The following POLR1B variants were observed in gnomAD, a reference collection of about 807,000 sequenced individuals.
The protein encoded by POLR1B is DNA-directed RNA polymerase I subunit RPA2.
In POLR1B, 30 loss-of-function variants were observed where a neutral mutation model predicts 105.8. The observed-to-expected ratio is 0.28, with a 90% CI of 0.21 to 0.38. POLR1B has a LOEUF of 0.38. Among genes scored for constraint, POLR1B ranks in the 10% least tolerant of loss-of-function variants. POLR1B has a pLI of 1.00. For missense variants in POLR1B, 976 were observed against 1,435.8 expected (o/e 0.68, Z 5.17); for synonymous variants, 485 against 505.1 (o/e 0.96, Z 0.53).
rs752204082 is a variant in POLR1B, at chr2:112,552,846, A to G, written c.1158+30A>G. ...ATGCATGCTATGTCCACCCTTGGCC[A>G]GTGGTACCACTTGTGGAATGGCGTG... On this transcript the variant is annotated intron_variant, in intron 7 of 14. Transcript: ENST00000263331. 2.0e-6 allele frequency: 3 copies of G among 1,493,468 alleles called. No homozygotes were observed. The South Asian group carries it at 4.1e-5, about 20-fold the overall frequency. 92.5% of individuals were successfully genotyped at this position (1,493,468 alleles called of 1,614,324 possible).
chr2:112,545,563 A>T (rs1248055244), intron 1 of POLR1B, among the ~76,000 whole-genome samples: 1 of 152,192 alleles, frequency 6.6e-6, no homozygotes, highest in Non-Finnish European at 1.5e-5. Flanking sequence ...GAATAATGAC[A>T]GTTCACTGTA....
At chr2:112,543,703 ATTG>A (rs1294017025) in intron 1 of POLR1B, among the ~76,000 whole-genome samples, 1 of 151,912 alleles carries the variant, frequency 6.6e-6, no homozygotes, top group Non-Finnish European at 1.5e-5. Context: ...ATTAAGATTT[ATTG>A]TTTAGAAAGA....
rs145959998 is a variant in POLR1B at position 112,542,520 on chromosome 2, A to G, written c.26A>G (p.Asn9Ser). 1.6e-4 allele frequency: 257 copies of G among 1,613,924 alleles called. 4 individuals are homozygous for G. The East Asian group carries it at 4.4e-3, about 28-fold the overall frequency. ...ATGGATCCTGGCAGCCGGTGGCGGA[A>G]CCTGCCCAGCGGGCCTAGCCTAAAG... MDPGSRWR[N>S]LPSGPSLKHL... The change falls in exon 1 of 15, where the codon AAC becomes AGC. Residue 9 changes from asparagine (N) to serine (S), a missense_variant. This residue lies in a region of POLR1B where 452 missense variants were observed against 616.5 expected (regional missense o/e 0.73). Transcript: ENST00000263331.
chr2:112,566,025 A>AT (rs920230403), intron 10 of POLR1B, among the ~76,000 whole-genome samples: 3 of 151,776 alleles, frequency 2.0e-5, no homozygotes, highest in African/African-American at 7.3e-5. Flanking sequence ...CGCCCGGCTA[A>AT]TTTTTTTTAT....
intron 7 of POLR1B, among the ~76,000 whole-genome samples, chr2:112,555,095 T>A (rs1272303418): frequency 6.6e-6 from 1 of 152,076 alleles, no homozygotes; most frequent in African/African-American, 2.4e-5. Flanking sequence ...GTAGGAGAGT[T>A]GCATGAGCCT....
At position 112,578,032 on chromosome 2, in the gene POLR1B, G is replaced by A. The variant is rs1684944143; in HGVS notation, c.*2303G>A. 6.6e-6 allele frequency among the ~76,000 whole-genome samples: 1 copy of A among 152,084 alleles called. No individual in the cohort carries two copies. Among genetic ancestry groups the A allele is most frequent in the African/African-American group, 2.4e-5 (1 of 41,430 alleles). On this transcript the variant is annotated 3_prime_UTR_variant, in exon 15 of 15. Coordinates refer to ENST00000263331, the MANE Select transcript of POLR1B (RefSeq NM_019014.6). ...GTTCTGGCTACTGAATGATCCCACA[G>A]CTGAGGTCTATTGTCATCGCTCCAC...
At chr2:112,567,881 G>T in intron 10 of POLR1B, 86 bp from the exon 11 acceptor site, 2 of 1,136,554 alleles carry the variant, frequency 1.8e-6, no homozygotes. Flanking sequence ...GAGTGTGGAT[G>T]AGTGGTATTC....
intron 9 of POLR1B, among the ~76,000 whole-genome samples, chr2:112,561,634 G>A (rs1305864387): frequency 6.6e-6 from 1 of 152,000 alleles, no homozygotes; most frequent in African/African-American, 2.4e-5. Flanking sequence ...CTTGTTTTTT[G>A]TGTGTTTCTG....
intron 10 of POLR1B, 122 bp from the exon 11 acceptor site, chr2:112,567,845 A>T: frequency 2.5e-6 from 2 of 791,600 alleles, no homozygotes; most frequent in Non-Finnish European, 4.1e-6. Context: ...GTGAGCACCC[A>T]AGGAAGTAGG....
rs575299955 is a variant in POLR1B, at chr2:112,563,626, A to C, written c.1613-740A>C. 1.0e-3 allele frequency among the ~76,000 whole-genome samples: 152 copies of C among 152,218 alleles called. 1 individual carries two copies. The highest frequency in any genetic ancestry group is 2.1e-3 in the South Asian group (10 of 4,814). ...TCAAGAAACCATTTCTGCTGGGCAC[A>C]GTGGCTTAGGCCTGTAATTCCAGCA... On this transcript the variant is annotated intron_variant, in intron 9 of 14. Coordinates refer to ENST00000263331, the MANE Select transcript of POLR1B (RefSeq NM_019014.6).
At chr2:112,556,345 G>T (rs557931278) in intron 7 of POLR1B, among the ~76,000 whole-genome samples, 21 of 152,310 alleles carry the variant, frequency 1.4e-4, no homozygotes, top group Middle Eastern at 3.4e-3. Flanking sequence ...ATTTTTAGCA[G>T]TGTACTTACA....
In POLR1B at chr2:112,551,045, C is replaced by T. The variant is rs3816140; in HGVS notation, c.762+43C>T. 0.69 allele frequency: 1,086,473 copies of T among 1,575,826 alleles called. 380,625 individuals carry two copies. Among genetic ancestry groups the T allele is most frequent in the Middle Eastern group, 0.77 (4,576 of 5,978 alleles). On this transcript the variant is annotated intron_variant, in intron 5 of 14. Transcript: ENST00000263331. ...CATTCTTTTGTTATGAAGAAATTCA[C>T]TGGGGGTAGTATCCTGTGCACATTG...
chr2:112,558,343 T>G (rs1049773228), intron 8 of POLR1B, among the ~76,000 whole-genome samples: 8 of 152,188 alleles, frequency 5.3e-5, no homozygotes, highest in African/African-American at 1.2e-4. Context: ...AAGGCTTACC[T>G]AACAGGAACT....
chr2:112,574,212 A>G (rs570727649), intron 14 of POLR1B, among the ~76,000 whole-genome samples: 12 of 152,290 alleles, frequency 7.9e-5, no homozygotes, highest in African/African-American at 1.2e-4. Flanking sequence ...AATGTTAGCA[A>G]TGTTTCCTAG....
chr2:112,557,559 T>G (rs1167415561), intron 7 of POLR1B, among the ~76,000 whole-genome samples: 1 of 152,236 alleles, frequency 6.6e-6, no homozygotes. Flanking sequence ...ATATGAAGTT[T>G]GTGATAATTG....
At chr2:112,560,579 G>C (rs1324541065) in intron 9 of POLR1B, among the ~76,000 whole-genome samples, 2 of 151,856 alleles carry the variant, frequency 1.3e-5, no homozygotes, top group African/African-American at 4.8e-5. Flanking sequence ...CTAGTCCCAG[G>C]GTTCTCCATT....
intron 8 of POLR1B, 66 bp downstream of exon 8, chr2:112,558,147 C>T: frequency 1.7e-6 from 2 of 1,205,212 alleles, no homozygotes; most frequent in Non-Finnish European, 2.1e-6. Context: ...ATTTGCCTGT[C>T]CCTGAGAGTT....
chr2:112,557,850 T>C (rs775008218), intron 7 of POLR1B, 60 bp from the exon 8 acceptor site: 11 of 974,440 alleles, frequency 1.1e-5, no homozygotes, highest in Middle Eastern at 3.8e-4. Context: ...GGATTATAGA[T>C]GTGAGCCACC....
At chr2:112,542,161 A>C, upstream of POLR1B, 1 of 1,535,698 alleles carries the variant, frequency 6.5e-7, no homozygotes, top group African/African-American at 1.4e-5. Flanking sequence ...AATGAGAGCC[A>C]AAGAGGTCAC....
Sources: gnomAD v4.1 joint callset for allele counts (sites outside exome capture counted in the v4.1 genomes callset) on GRCh38, gnomAD v4.1.1 for gene constraint, gnomAD v4.1.1 regional missense constraint, MANE v1.5 for transcripts, NCBI Gene and HGNC (gene_info 2026-07-23, HGNC 2026-07-21) for gene names.